The following UNC80 variants were observed in gnomAD, a reference collection of about 807,000 sequenced individuals.
The protein encoded by UNC80 is protein unc-80 homolog.
In UNC80, 164 loss-of-function variants were observed where a neutral mutation model predicts 384.6. The observed-to-expected ratio is 0.43, with a 90% CI of 0.38 to 0.49. The LOEUF (loss-of-function observed/expected upper bound fraction) is 0.49. UNC80 is among the 20% of genes least tolerant of loss of function. The pLI is 0.00. For missense variants in UNC80, 3,330 were observed against 4,143.0 expected, an observed-to-expected ratio of 0.80 and a Z score of 5.39; for synonymous variants, 1,486 against 1,527.8, an observed-to-expected ratio of 0.97 and a Z score of 0.64.
At chr2:209,786,302 T>G in intron 5 of UNC80, 113 bp downstream of exon 5, 1 of 1,348,206 alleles carries the variant, frequency 7.4e-7, no homozygotes, top group South Asian at 1.6e-5. Context: ...AATATCTACA[T>G]GTAGTTATTT....
chr2:209,935,027 CAAG>C (rs1289704379), intron 39 of UNC80, among the ~76,000 whole-genome samples: 1 of 152,072 alleles, frequency 6.6e-6, no homozygotes, highest in African/African-American at 2.4e-5. Flanking sequence ...CTCCATCAGC[CAAG>C]AAGAATACAG....
At position 209,834,894 on chromosome 2, in the gene UNC80, A is replaced by G; in HGVS notation, c.2943-18A>G. On this transcript the variant is annotated intron_variant, in intron 17 of 64. Transcript: ENST00000673920. ...TATCCTGCTCTGCTGTAATTGTTGG[A>G]ATGCACCATTTGCATAGGTCAGAGG... The G allele has an allele frequency of 6.5e-7, 1 of 1,538,990 alleles. No homozygotes were observed. Among genetic ancestry groups the G allele is most frequent in the Non-Finnish European group, 8.8e-7 (1 of 1,136,654 alleles).
In UNC80 at chr2:209,819,116, C is replaced by T. The variant is rs774668513; in HGVS notation, c.1817C>T (p.Pro606Leu). Residue 606 changes from proline (P) to leucine (L), a missense_variant, in exon 12 of 65, where the codon CCG becomes CTG. Around this residue, in one of 8 missense-constraint regions of UNC80, gnomAD observed 937 missense variants for 1,026.8 expected, o/e 0.91. Coordinates refer to ENST00000673920, the MANE Select transcript of UNC80 (RefSeq NM_001371986.1). ...MRKLCNQVPI[P>L]EMPHEPLACA... ...AAACTCTGCAACCAGGTGCCTATCCCGGAGATGCCACATGAACCTCTGGCA... is the reference window on the plus strand; with the variant it reads ...AAACTCTGCAACCAGGTGCCTATCCTGGAGATGCCACATGAACCTCTGGCA... The T allele has an allele frequency of 4.2e-5, 65 of 1,552,058 alleles. No individual in the cohort carries two copies. Among genetic ancestry groups the T allele is most frequent in the South Asian group, 7.1e-5 (6 of 84,062 alleles).
At position 209,983,045 on chromosome 2, in the gene UNC80, A is replaced by G. The variant is rs906852916; in HGVS notation, c.9257+728A>G. ...TAAGTAGATAAATGTTTTGGAACCA[A>G]TGATATTTTCACTTTAGGAATTGAG... On this transcript the variant is annotated intron_variant, in intron 60 of 64. Transcript: ENST00000673920. 5.9e-5 allele frequency: 9 copies of G among 152,232 alleles called. No homozygotes were observed. In the East Asian group the frequency reaches 1.7e-3, roughly 29 times the overall value. 9.4% of individuals were successfully genotyped at this position (152,232 alleles called of 1,614,324 possible).
chr2:209,970,706 G>A (rs1322320335), intron 53 of UNC80, 126 bp from the exon 54 acceptor site: 12 of 1,231,366 alleles, frequency 9.7e-6, no homozygotes, highest in Non-Finnish European at 1.3e-5. Flanking sequence ...AGAAAGAAAA[G>A]ATTGAAAGTA....
At chr2:209,993,522 C>T (rs1181621226) in intron 63 of UNC80, 96 bp downstream of exon 63, 1 of 1,034,532 alleles carries the variant, frequency 9.7e-7, no homozygotes, top group East Asian at 2.6e-5. Flanking sequence ...TGGAGATAAG[C>T]ACACCTTTGG....
Position 209,976,208 on chromosome 2 carries a change from AAGGTGGG to A in UNC80, c.8681_8687del (p.Val2894AlafsTer73). 1 of 1,551,582 alleles carries A rather than the reference AAGGTGGG, an allele frequency of 6.4e-7. No individual in the cohort carries two copies. Among genetic ancestry groups the A allele is most frequent in the Non-Finnish European group, 8.7e-7 (1 of 1,146,966 alleles). ...CCAGGTGAAGGAGATGGCTCTGCGG[AAGGTGGG>A]AGGCCTGGCCCTTTGGGATTTCCTC... On this transcript the variant is annotated frameshift_variant, in exon 57 of 65. Transcript: ENST00000673920. LOFTEE classifies it high-confidence loss of function. The surrounding 1 kb of genome is among the most constrained non-coding windows in gnomAD (Gnocchi z 4.3).
chr2:209,781,878 C>T (rs929032205), intron 4 of UNC80, among the ~76,000 whole-genome samples: 1 of 152,126 alleles, frequency 6.6e-6, no homozygotes, highest in East Asian at 1.9e-4. Context: ...TAATGAGCCC[C>T]GTCCCTAGAT....
intron 33 of UNC80, 96 bp downstream of exon 33, chr2:209,918,759 T>C: frequency 7.5e-7 from 1 of 1,327,726 alleles, no homozygotes; most frequent in Non-Finnish European, 1.0e-6. Context: ...AAGAATGTAA[T>C]AATAACACAG....
In UNC80 at chr2:209,954,118, C is replaced by A; in HGVS notation, c.7305C>A (p.Val2435=). The A allele has an allele frequency of 6.5e-7, 1 of 1,550,024 alleles. No homozygotes were observed. The highest frequency in any genetic ancestry group is 1.2e-5 in the South Asian group (1 of 83,802). The change falls in exon 48 of 65, where the codon GTC becomes GTA. Residue 2435 remains valine (V), a synonymous_variant. Transcript: ENST00000673920. The stretch of plus-strand genomic sequence containing the variant: ...CTTAAAGTCTTCAGATGCTGATGGT[C>A]TTAGAAGCCTTAGTTCCATGTTACC... The part of the protein sequence containing the change: ...ESFRSLQMLM[V]LEALVPCYLQ...
At chr2:209,990,355 C>T (rs1020003536) in intron 61 of UNC80, among the ~76,000 whole-genome samples, 5 of 152,174 alleles carry the variant, frequency 3.3e-5, no homozygotes, top group African/African-American at 1.2e-4. Context: ...CTCATTACAA[C>T]ATCAAATGTA....
intron 35 of UNC80, 72 bp from the exon 36 acceptor site, chr2:209,926,771 A>C (rs2090468165): frequency 1.3e-6 from 2 of 1,518,604 alleles, no homozygotes. Flanking sequence ...GTGAGACCCT[A>C]TCTCAAAACA....
chr2:209,846,436 G>A (rs1458370072), intron 21 of UNC80, among the ~76,000 whole-genome samples: 1 of 151,844 alleles, frequency 6.6e-6, no homozygotes, highest in African/African-American at 2.4e-5. Flanking sequence ...CACGTTTACT[G>A]CACATCTTGT....
At chr2:209,884,631 A>C (rs1311627819) in intron 25 of UNC80, among the ~76,000 whole-genome samples, 1 of 152,230 alleles carries the variant, frequency 6.6e-6, no homozygotes, top group Non-Finnish European at 1.5e-5. Flanking sequence ...ACAGTAGCAA[A>C]GACATGGAAT....
intron 6 of UNC80, among the ~76,000 whole-genome samples, 160 bp downstream of exon 6, chr2:209,789,765 G>T (rs563678388): frequency 6.6e-5 from 10 of 151,670 alleles, no homozygotes; most frequent in African/African-American, 1.9e-4. Flanking sequence ...TTTATCAGTC[G>T]TATGAAAATT....
chr2:209,918,391 CT>C, intron 32 of UNC80, 140 bp from the exon 33 acceptor site: 1 of 1,025,666 alleles, frequency 9.7e-7, no homozygotes, highest in Admixed American at 2.8e-5. Flanking sequence ...GCAAATAGCC[CT>C]TTTCTAAAAT....
rs1339882870 is a variant in UNC80, at chr2:209,921,606, G to A, written c.5450G>A (p.Ser1817Asn). 4.5e-6 allele frequency: 7 copies of A among 1,551,704 alleles called. No homozygotes were observed. The highest frequency in any genetic ancestry group is 5.2e-6 in the Non-Finnish European group (6 of 1,146,998). Residue 1817 changes from serine to asparagine, a missense_variant, in exon 34 of 65, where the codon AGC (serine) becomes AAC (asparagine). Ser to Asn is a conservative substitution (Grantham distance 46). Coordinates refer to ENST00000673920, the MANE Select transcript of UNC80 (RefSeq NM_001371986.1). ...EEKKRLGREASLITAIPITQE... is the reference protein window; with the variant it reads ...EEKKRLGREANLITAIPITQE... The stretch of plus-strand genomic sequence containing the variant: ...AAGAAACGACTTGGTAGAGAAGCCA[G>A]CCTCATCACTGCCATCCCCATCACC...
Position 209,926,895 on chromosome 2 carries a change from A to G in UNC80, c.5715A>G (p.Pro1905=), listed in dbSNP as rs548802929. 10 of 1,552,202 alleles carry G rather than the reference A, an allele frequency of 6.4e-6. No individual in the cohort carries two copies. In the South Asian group the frequency reaches 1.1e-4, roughly 17 times the overall value. The part of the protein sequence containing the change: ...HTPNHHVPQP[P]QAVFPACICA... Reference sequence around the variant, plus strand: ...CGAACCACCATGTGCCTCAGCCCCCACAAGCAGTGTTCCCAGCATGCATCT... The same window carrying G: ...CGAACCACCATGTGCCTCAGCCCCCGCAAGCAGTGTTCCCAGCATGCATCT... Residue 1905 remains proline, a synonymous_variant, in exon 36 of 65, where the codon CCA becomes CCG. Coordinates refer to ENST00000673920, the MANE Select transcript of UNC80 (RefSeq NM_001371986.1).
intron 35 of UNC80, among the ~76,000 whole-genome samples, chr2:209,925,905 T>C (rs1257931383): frequency 6.6e-6 from 1 of 152,230 alleles, no homozygotes; most frequent in African/African-American, 2.4e-5. Flanking sequence ...AATAGTCATG[T>C]AAGTTTTAAT....
Sources: allele counts gnomAD v4.1 joint callset (sites outside exome capture counted in the v4.1 genomes callset), GRCh38; gene constraint gnomAD v4.1.1; regional missense constraint gnomAD v4.1.1; non-coding constraint Gnocchi (gnomAD v3.1); transcripts MANE v1.5; gene names NCBI Gene and HGNC (gene_info 2026-07-23, HGNC 2026-07-21).